The following CRYBB2 variants were observed in gnomAD, a reference collection of about 807,000 sequenced individuals.
The protein encoded by CRYBB2 is crystallin beta B2, also known as beta-crystallin B2.
Under a neutral mutation model 24.3 loss-of-function variants are expected in CRYBB2, and 12 were observed. The observed-to-expected ratio is 0.49, with a 90% confidence interval of 0.32 to 0.80. The LOEUF (loss-of-function observed/expected upper bound fraction) is 0.80, where lower values mean the gene tolerates loss of function less well. CRYBB2 is among the 30% of genes least tolerant of loss of function. The probability of loss-of-function intolerance (pLI) is 0.04; values close to 1 mark genes in which losing one functional copy is unlikely to be tolerated. For missense variants in CRYBB2, 198 were observed against 268.5 expected (o/e 0.74, Z 1.83); for synonymous variants, 98 against 101.6 (o/e 0.96, Z 0.21).
chr22:25,218,780 A>AAAG (rs1935252747), upstream of CRYBB2, among the ~76,000 whole-genome samples: 3 of 23,446 alleles, frequency 1.3e-4, 1 homozygote, highest in African/African-American at 4.2e-4. Flanking sequence ...AGAGAGAGAG[A>AAAG]AGAAAGAAAG....
upstream of CRYBB2, among the ~76,000 whole-genome samples, chr22:25,218,848 G>A (rs1289012603): frequency 1.6e-5 from 1 of 61,254 alleles, no homozygotes; most frequent in African/African-American, 9.5e-5. Context: ...GAGAAAGAAA[G>A]AAAGAAAGAA....
upstream of CRYBB2, among the ~76,000 whole-genome samples, chr22:25,219,109 C>T (rs1408680783): frequency 1.3e-5 from 2 of 152,130 alleles, no homozygotes; most frequent in East Asian, 3.9e-4. Context: ...CTTCTCCATC[C>T]CTGAGGGATG....
intron 2 of CRYBB2, 136 bp downstream of exon 2, chr22:25,221,619 C>T (rs956242731): frequency 2.9e-6 from 2 of 679,262 alleles, no homozygotes; most frequent in African/African-American, 3.5e-5. Context: ...TCAGTCTCCT[C>T]TACCCACACA....
intron 2 of CRYBB2, among the ~76,000 whole-genome samples, chr22:25,224,325 T>C (rs915652352): frequency 1.3e-5 from 2 of 152,072 alleles, no homozygotes; most frequent in African/African-American, 4.8e-5. Flanking sequence ...GCTGCTTCCA[T>C]TTCAGCTGCA....
chr22:25,220,633 G>A (rs552993136), intron 1 of CRYBB2, among the ~76,000 whole-genome samples: 1 of 152,264 alleles, frequency 6.6e-6, no homozygotes, highest in East Asian at 1.9e-4. Context: ...CTCTGAAGAG[G>A]GAGGCCAGGC....
At chr22:25,224,815 C>CT in intron 2 of CRYBB2, 103 bp from the exon 3 acceptor site, 1 of 785,748 alleles carries the variant, frequency 1.3e-6, no homozygotes, top group Admixed American at 1.7e-5. Context: ...GAGGTGAACC[C>CT]TTCAGCATCC....
At chr22:25,221,581 CCT>C (rs1402697685) in intron 2 of CRYBB2, 98 bp downstream of exon 2, 3 of 839,070 alleles carry the variant, frequency 3.6e-6, no homozygotes, top group Non-Finnish European at 6.0e-6. Flanking sequence ...ATGGGTACCC[CCT>C]CTCGACCCCT....
chr22:25,218,710 GA>G (rs1935229182), upstream of CRYBB2, among the ~76,000 whole-genome samples: 2 of 35,064 alleles, frequency 5.7e-5, no homozygotes, highest in East Asian at 1.1e-3. Flanking sequence ...GAGAGGGGGA[GA>G]GAGAGAGAGA....
At chr22:25,225,121 G>C (rs1935389451) in intron 3 of CRYBB2, 85 bp downstream of exon 3, 2 of 827,962 alleles carry the variant, frequency 2.4e-6, no homozygotes, top group African/African-American at 3.3e-5. Context: ...CCTTGCTCCT[G>C]TCTGCAAATC....
intron 4 of CRYBB2, among the ~76,000 whole-genome samples, chr22:25,229,023 C>CAT (rs1555889025): frequency 6.9e-6 from 1 of 145,882 alleles, no homozygotes; most frequent in East Asian, 2.1e-4. Context: ...TGGGTGTGCA[C>CAT]GTGTGTGCGT....
At chr22:25,229,009 A>C (rs1481039180) in intron 4 of CRYBB2, among the ~76,000 whole-genome samples, 5 of 136,654 alleles carry the variant, frequency 3.7e-5, no homozygotes, top group African/African-American at 8.5e-5. Flanking sequence ...TGTGTGTGCA[A>C]GTGTGGGTGT....
chr22:25,223,724 G>T (rs544567421), intron 2 of CRYBB2, among the ~76,000 whole-genome samples: 2 of 152,146 alleles, frequency 1.3e-5, no homozygotes, highest in Middle Eastern at 6.3e-3. Context: ...TGACCGTGTC[G>T]ATTCTGTAGC....
upstream of CRYBB2, among the ~76,000 whole-genome samples, chr22:25,217,135 C>A (rs1046030003): frequency 4.0e-5 from 6 of 151,106 alleles, no homozygotes. Flanking sequence ...GGGGCACGTG[C>A]ACAGAAGTGG....
chr22:25,214,469 A>T (rs1174768552), intron 1 of CRYBB2, among the ~76,000 whole-genome samples: 1 of 152,242 alleles, frequency 6.6e-6, no homozygotes, highest in African/African-American at 2.4e-5. Context: ...AGTAGAAATG[A>T]ATAATGAATT....
At chr22:25,231,573 G>T in intron 5 of CRYBB2, 31 bp from the exon 6 acceptor site, 1 of 1,611,148 alleles carries the variant, frequency 6.2e-7, no homozygotes, top group African/African-American at 1.3e-5. Flanking sequence ...TGTCCCCCTC[G>T]TTCACCCTCC....
At chr22:25,218,230 G>T (rs987261390), upstream of CRYBB2, among the ~76,000 whole-genome samples, 3 of 150,344 alleles carry the variant, frequency 2.0e-5, no homozygotes, top group Non-Finnish European at 4.4e-5. Context: ...CTGCACTCCA[G>T]CCTGGGCGAC....
chr22:25,223,413 T>C (rs543295664), intron 2 of CRYBB2, among the ~76,000 whole-genome samples: 10 of 152,292 alleles, frequency 6.6e-5, no homozygotes, highest in Admixed American at 6.5e-4. Flanking sequence ...GCCAGGGTAA[T>C]AATAAACTCT....
chr22:25,229,097 ATGTG>A (rs112950752), intron 4 of CRYBB2, among the ~76,000 whole-genome samples: 2 of 146,754 alleles, frequency 1.4e-5, no homozygotes, highest in Admixed American at 6.8e-5. Context: ...GTGGGTGTGC[ATGTG>A]TGTGTGTGTG....
upstream of CRYBB2, among the ~76,000 whole-genome samples, chr22:25,217,835 A>C (rs990388633): frequency 2.0e-5 from 3 of 152,134 alleles, no homozygotes; most frequent in African/African-American, 7.2e-5. Flanking sequence ...GTGTGTGTGC[A>C]TGCGTGTGCA....
Sources: allele counts gnomAD v4.1 joint callset (sites outside exome capture counted in the v4.1 genomes callset), GRCh38; gene constraint gnomAD v4.1.1; transcripts MANE v1.5; gene names NCBI Gene and HGNC (gene_info 2026-07-23, HGNC 2026-07-21).